Variants in LEO1 observed in about 807,000 individuals in gnomAD.
LEO1 encodes RNA polymerase-associated protein LEO1.
Under a neutral mutation model 80.4 loss-of-function variants are expected in LEO1, and 34 were observed. The ratio of observed to expected loss-of-function variants is 0.42; its 90% CI spans 0.32 to 0.56. The LOEUF is 0.56. Among genes scored for constraint, LEO1 ranks in the 20% least tolerant of loss-of-function variants. The pLI is 0.10. For synonymous variants in LEO1, 262 were observed against 274.9 expected (o/e 0.95, Z 0.46); for missense variants, 631 against 814.2 (o/e 0.77, Z 2.74).
At position 51,958,846 on chromosome 15, in the gene LEO1, TA is replaced by T. The variant is rs764414461; in HGVS notation, c.1161-21del. Reference sequence around the variant, plus strand: ...AAAGGTCTACAAATTGTTTTCCAAATAAACTATTAATCATATTTTATAAAGA... The same window carrying T: ...AAAGGTCTACAAATTGTTTTCCAAATAACTATTAATCATATTTTATAAAGA... On this transcript the variant is annotated intron_variant, in intron 5 of 11. Coordinates refer to ENST00000299601, the MANE Select transcript of LEO1 (RefSeq NM_138792.4). 1.5e-6 allele frequency: 2 copies of T among 1,303,608 alleles called. No individual in the cohort carries two copies. The highest frequency in any genetic ancestry group is 4.1e-5 in the Admixed American group (2 of 48,884). 80.8% of individuals were successfully genotyped at this position (1,303,608 alleles called of 1,614,324 possible).
At chr15:51,961,723 AACTC>A (rs1215775636) in intron 3 of LEO1, among the ~76,000 whole-genome samples, 1 of 147,592 alleles carries the variant, frequency 6.8e-6, no homozygotes, top group East Asian at 2.0e-4. Context: ...CTCTTCATCT[AACTC>A]ACAGCTCAAA....
At chr15:51,941,035 T>C (rs867442891) in intron 11 of LEO1, among the ~76,000 whole-genome samples, 4 of 151,886 alleles carry the variant, frequency 2.6e-5, no homozygotes, top group South Asian at 2.1e-4. Context: ...ATCGCGGCGC[T>C]GCACTCCAGT....
intron 9 of LEO1, 87 bp from the exon 10 acceptor site, chr15:51,950,081 A>G (rs2056936749): frequency 8.9e-7 from 1 of 1,118,388 alleles, no homozygotes; most frequent in Non-Finnish European, 1.3e-6. Flanking sequence ...ATAGCATGTA[A>G]TGTCTGGTCC....
chr15:51,966,534 T>A (rs779109528), intron 1 of LEO1, 30 bp from the exon 2 acceptor site: 3 of 1,359,046 alleles, frequency 2.2e-6, no homozygotes, highest in East Asian at 2.3e-5. Flanking sequence ...TAGGATAACA[T>A]AAGCAAAAAA....
intron 10 of LEO1, among the ~76,000 whole-genome samples, chr15:51,948,924 G>C (rs2056924675): frequency 6.6e-6 from 1 of 152,206 alleles, no homozygotes; most frequent in Non-Finnish European, 1.5e-5. Flanking sequence ...AGATGACTTT[G>C]GTTTAAGAAC....
At chr15:51,954,658 A>G in intron 6 of LEO1, 83 bp from the exon 7 acceptor site, 1 of 882,282 alleles carries the variant, frequency 1.1e-6, no homozygotes, top group Non-Finnish European at 1.9e-6. Context: ...GCACATAATC[A>G]CAGAATAAGC....
intron 4 of LEO1, 76 bp from the exon 5 acceptor site, chr15:51,960,120 C>T: frequency 8.5e-7 from 1 of 1,179,530 alleles, no homozygotes; most frequent in Non-Finnish European, 1.2e-6. Context: ...ACTTTAATTA[C>T]TCTGGGGTGC....
At chr15:51,942,844 C>T (rs555317778) in intron 11 of LEO1, among the ~76,000 whole-genome samples, 85 of 150,670 alleles carry the variant, frequency 5.6e-4, no homozygotes, top group Non-Finnish European at 1.1e-3. Context: ...ATTGCTTGAA[C>T]CCAGGAGGTG....
chr15:51,944,174 C>A (rs775315761), intron 11 of LEO1, among the ~76,000 whole-genome samples: 1 of 152,102 alleles, frequency 6.6e-6, no homozygotes, highest in Non-Finnish European at 1.5e-5. Flanking sequence ...AGTAAAAATG[C>A]TGAAAGACAG....
intron 6 of LEO1, 40 bp downstream of exon 6, chr15:51,958,702 C>T (rs1193414214): frequency 7.6e-7 from 1 of 1,317,040 alleles, no homozygotes; most frequent in South Asian, 1.3e-5. Context: ...CCAGGTTTTA[C>T]TTTATAAAAG....
rs2056887917 is a variant in LEO1 at position 51,945,116 on chromosome 15, T to TA, written c.1896+2175dup. 2.0e-5 allele frequency among the ~76,000 whole-genome samples: 3 copies of TA among 151,924 alleles called. No homozygotes were observed. In the South Asian group the frequency reaches 6.3e-4, roughly 32 times the overall value. On this transcript the variant is annotated intron_variant, in intron 11 of 11. Transcript: ENST00000299601. ...AACTTCCAATGAAAACCACTCAGAA[T>TA]AAAAAACCAAAATAAAACAGTCCAT...
In LEO1 at chr15:51,950,024, T is replaced by TAA. The variant is rs776620933; in HGVS notation, c.1612-32_1612-31dup. ...AAAGAAGCAAATAACCTCTTTAACCTAAAAAGGAGCTACTTTTGTGCCCAC... is the reference window on the plus strand; with the variant it reads ...AAAGAAGCAAATAACCTCTTTAACCTAAAAAAAGGAGCTACTTTTGTGCCCAC... On this transcript the variant is annotated intron_variant, in intron 9 of 11. Transcript: ENST00000299601. 1.0e-5 allele frequency: 16 copies of TAA among 1,570,716 alleles called. No homozygotes were observed. The Middle Eastern group carries it at 5.7e-4, about 56-fold the overall frequency.
At position 51,938,341 on chromosome 15, in the gene LEO1, G is replaced by C. The variant is rs2056818966; in HGVS notation, c.1897-81C>G. 3 of 782,838 alleles carry C rather than the reference G, an allele frequency of 3.8e-6. No individual in the cohort carries two copies. In the African/African-American group the frequency reaches 5.2e-5, roughly 14 times the overall value. 48.5% of individuals were successfully genotyped at this position (782,838 alleles called of 1,614,324 possible). On this transcript the variant is annotated intron_variant, in intron 11 of 11. Transcript: ENST00000299601. ...GGTTTATGAAAAGTAGCTATGAGCTGAATGACCCTCTGACAACTCAAAGTA... is the reference window on the plus strand; with the variant it reads ...GGTTTATGAAAAGTAGCTATGAGCTCAATGACCCTCTGACAACTCAAAGTA...
Position 51,965,900 on chromosome 15 carries a change from A to G in LEO1, c.663T>C (p.Asp221=). The G allele has an allele frequency of 1.9e-6, 3 of 1,614,098 alleles. No individual in the cohort carries two copies. Among genetic ancestry groups the G allele is most frequent in the South Asian group, 1.1e-5 (1 of 91,070 alleles). ...NSDDERPVAS[D]NDDEKQNSDD... ...CAGAATTCTGTTTCTCATCATCATTATCAGAAGCTACCGGCCGTTCATCAT... is the reference window on the plus strand; with the variant it reads ...CAGAATTCTGTTTCTCATCATCATTGTCAGAAGCTACCGGCCGTTCATCAT... The change falls in exon 2 of 12, where the codon GAT becomes GAC. Residue 221 remains aspartate (D), a synonymous_variant. Coordinates refer to ENST00000299601, the MANE Select transcript of LEO1 (RefSeq NM_138792.4).
chr15:51,951,753 G>T, intron 9 of LEO1, 91 bp downstream of exon 9: 1 of 1,134,766 alleles, frequency 8.8e-7, no homozygotes. Flanking sequence ...GAAAAGGTAG[G>T]CCAATAAGAG....
At chr15:51,956,085 T>C (rs2052707) in intron 6 of LEO1, among the ~76,000 whole-genome samples, 2,189 of 152,318 alleles carry the variant, frequency 0.014, 83 homozygotes, top group East Asian at 0.071. Flanking sequence ...TCTGTCACTA[T>C]TCCTGTCTTC....
At chr15:51,962,664 A>G (rs1156604970) in intron 2 of LEO1, among the ~76,000 whole-genome samples, 171 bp from the exon 3 acceptor site, 1 of 152,270 alleles carries the variant, frequency 6.6e-6, no homozygotes, top group Non-Finnish European at 1.5e-5. Flanking sequence ...AAAATGCTAT[A>G]TGCCAAGTTA....
In LEO1 at chr15:51,956,828, A is replaced by AT. The variant is rs1024354756; in HGVS notation, c.1245+1913dup. ...TTTAGGGTAAAATACATATTTATAAATTTTTTTTTGGGGGGGAGACAGGGT... is the reference window on the plus strand; with the variant it reads ...TTTAGGGTAAAATACATATTTATAAATTTTTTTTTTGGGGGGGAGACAGGGT... On this transcript the variant is annotated intron_variant, in intron 6 of 11. Transcript: ENST00000299601. Among the ~76,000 whole-genome samples, 22 of 151,706 alleles carry AT rather than the reference A, an allele frequency of 1.5e-4. 1 individual carries two copies. The South Asian group carries it at 4.0e-3, about 27-fold the overall frequency.
chr15:51,957,348 A>G (rs1288798978), intron 6 of LEO1, among the ~76,000 whole-genome samples: 2 of 152,210 alleles, frequency 1.3e-5, no homozygotes, highest in African/African-American at 4.8e-5. Flanking sequence ...TAAAACAACC[A>G]TGAAAAATTG....
Sources: allele counts gnomAD v4.1 joint callset (sites outside exome capture counted in the v4.1 genomes callset), GRCh38; gene constraint gnomAD v4.1.1; transcripts MANE v1.5; gene names NCBI Gene and HGNC (gene_info 2026-07-23, HGNC 2026-07-21).